ABCG1: variants seen among roughly 807,000 people sequenced by gnomAD.
The protein encoded by ABCG1 is ATP-binding cassette sub-family G member 1.
ABCG1 carries 29 observed loss-of-function variants against 69.2 expected under a neutral mutation model. That is an observed-to-expected ratio of 0.42 (90% CI 0.31 to 0.57). The LOEUF (loss-of-function observed/expected upper bound fraction) is 0.57. Ranked by LOEUF, ABCG1 falls within the 20% of genes least tolerant of loss-of-function variation. The pLI is 0.15. For synonymous variants in ABCG1, 370 were observed against 374.8 expected, an observed-to-expected ratio of 0.99 and a Z score of 0.15; for missense variants, 718 against 898.1, an observed-to-expected ratio of 0.80 and a Z score of 2.56.
upstream of ABCG1, among the ~76,000 whole-genome samples, chr21:42,216,575 G>A (rs2067643056): frequency 1.3e-5 from 2 of 152,168 alleles, no homozygotes; most frequent in Non-Finnish European, 2.9e-5. Flanking sequence ...TGCAGCTGCT[G>A]GGGGGCCATG....
chr21:42,251,023 CCAGCAGA>C (rs1188684371), intron 2 of ABCG1, among the ~76,000 whole-genome samples: 2 of 132,556 alleles, frequency 1.5e-5, no homozygotes, highest in African/African-American at 6.2e-5. Flanking sequence ...AGCTCAGCGC[CCAGCAGA>C]CATGAACTTG....
At chr21:42,248,676 C>T (rs2068171656) in intron 2 of ABCG1, among the ~76,000 whole-genome samples, 1 of 151,870 alleles carries the variant, frequency 6.6e-6, no homozygotes, top group East Asian at 1.9e-4. Flanking sequence ...TTGTTTGAGC[C>T]CAGGAGTTCG....
Position 42,242,770 on chromosome 21 carries a change from G to C in ABCG1, c.286+16856G>C, listed in dbSNP as rs577934839. 2.6e-5 allele frequency among the ~76,000 whole-genome samples: 4 copies of C among 152,298 alleles called. No individual in the cohort carries two copies. In the East Asian group the frequency reaches 5.8e-4, roughly 22 times the overall value. ...GGGGCAGTGAACCATATCGTTGTTTGTTGTGTTTTTTGGTTTTTGTGACTT... is the reference window on the plus strand; with the variant it reads ...GGGGCAGTGAACCATATCGTTGTTTCTTGTGTTTTTTGGTTTTTGTGACTT... On this transcript the variant is annotated intron_variant, in intron 2 of 14. Transcript: ENST00000398449.
intron 2 of ABCG1, among the ~76,000 whole-genome samples, chr21:42,263,152 G>T (rs767039750): frequency 1.3e-5 from 2 of 152,168 alleles, no homozygotes; most frequent in African/African-American, 4.8e-5. Flanking sequence ...CTTCTAGACC[G>T]GAACCACCTT....
rs1453878261 is a variant in ABCG1, at chr21:42,273,238, T to C, written c.405-65T>C. 3.2e-6 allele frequency: 5 copies of C among 1,559,264 alleles called. No homozygotes were observed. Among genetic ancestry groups the C allele is most frequent in the South Asian group, 2.4e-5 (2 of 83,810 alleles). ...GCCCCCGTCTCTGGCTCCCCTCTCC[T>C]GCCCCGGGAGGTGGAGGAGGAGCAG... On this transcript the variant is annotated intron_variant, in intron 3 of 14. Transcript: ENST00000398449. The surrounding 1 kb of genome is among the most constrained non-coding windows in gnomAD (Gnocchi z 5.3).
At chr21:42,202,787 A>T (rs539480787) in intron 2 of ABCG1, among the ~76,000 whole-genome samples, 1 of 152,042 alleles carries the variant, frequency 6.6e-6, no homozygotes, top group African/African-American at 2.4e-5. Context: ...AATTTTTAAA[A>T]TTTTTTATAG....
At position 42,288,910 on chromosome 21, in the gene ABCG1, G is replaced by A. The variant is rs1164341650; in HGVS notation, c.1224+598G>A. On this transcript the variant is annotated intron_variant, in intron 10 of 14. Coordinates refer to ENST00000398449, the MANE Select transcript of ABCG1 (RefSeq NM_016818.3). The surrounding 1 kb of genome is among the most constrained non-coding windows in gnomAD (Gnocchi z 4.8). ...AGCCCTCAGGAAACTTTCAATCATG[G>A]TGGAAGGCAAAGTGGGATGGAGCGC... Among the ~76,000 whole-genome samples the A allele has an allele frequency of 2.0e-5, 3 of 152,144 alleles. No homozygotes were observed. Among genetic ancestry groups the A allele is most frequent in the African/African-American group, 7.2e-5 (3 of 41,408 alleles).
At chr21:42,204,296 G>A (rs1450106541) in intron 2 of ABCG1, among the ~76,000 whole-genome samples, 1 of 152,140 alleles carries the variant, frequency 6.6e-6, no homozygotes, top group Non-Finnish European at 1.5e-5. Context: ...AATAAGAGTG[G>A]TGAAAGCAAA....
intron 5 of ABCG1, among the ~76,000 whole-genome samples, chr21:42,278,922 C>G (rs914120865): frequency 2.0e-5 from 3 of 152,004 alleles, no homozygotes; most frequent in African/African-American, 7.3e-5. Context: ...CCATCAGCTA[C>G]AGGACAAGAG....
At chr21:42,271,216 T>G (rs750550449) in intron 3 of ABCG1, 29 bp downstream of exon 3, 1 of 1,431,558 alleles carries the variant, frequency 7.0e-7, no homozygotes, top group Non-Finnish European at 9.3e-7. Flanking sequence ...GGCGCAAAGT[T>G]CTCTCCCGGG....
chr21:42,283,660 A>AC (rs140072196), intron 6 of ABCG1, among the ~76,000 whole-genome samples: 2,231 of 117,234 alleles, frequency 0.019, 50 homozygotes, highest in Non-Finnish European at 0.029. Context: ...GTCCCCCCCC[A>AC]CCCAAATGAG....
At chr21:42,210,272 T>TGG (rs2067576022) in intron 2 of ABCG1, among the ~76,000 whole-genome samples, 1 of 151,926 alleles carries the variant, frequency 6.6e-6, no homozygotes, top group Admixed American at 6.6e-5. Flanking sequence ...AGGCTCCAGG[T>TGG]GGGGGTTGAG....
chr21:42,269,616 G>A lies in ABCG1; in HGVS notation c.287-1454G>A, dbSNP rs549040861. ...GCGACAACCGCCCTGTCTGTAATGA[G>A]TGGCAGTCCCAAGCTTCCTGACTGG... On this transcript the variant is annotated intron_variant, in intron 2 of 14. Transcript: ENST00000398449. Among the ~76,000 whole-genome samples the A allele has an allele frequency of 3.9e-5, 6 of 152,326 alleles. No homozygotes were observed. The East Asian group carries it at 1.2e-3, about 29-fold the overall frequency.
chr21:42,292,915 C>G (rs2069099111), intron 13 of ABCG1, among the ~76,000 whole-genome samples: 1 of 148,788 alleles, frequency 6.7e-6, no homozygotes, highest in Admixed American at 6.7e-5. Context: ...ACACTACACA[C>G]CACACATACT....
Position 42,231,189 on chromosome 21 carries a change from G to A in ABCG1, c.286+5275G>A, listed in dbSNP as rs182566102. 2.0e-3 allele frequency among the ~76,000 whole-genome samples: 297 copies of A among 151,938 alleles called. 1 individual carries two copies. Among genetic ancestry groups the A allele is most frequent in the Middle Eastern group, 3.4e-3 (1 of 290 alleles). On this transcript the variant is annotated intron_variant, in intron 2 of 14. Coordinates refer to ENST00000398449, the MANE Select transcript of ABCG1 (RefSeq NM_016818.3). ...GGAAGGGGAGGCTGATGTGCATGGC[G>A]TGCTTTCTCTCCAACAGGTGAAGCG...
intron 2 of ABCG1, among the ~76,000 whole-genome samples, chr21:42,244,434 A>C (rs541140483): frequency 6.6e-6 from 1 of 152,340 alleles, no homozygotes; most frequent in South Asian, 2.1e-4. Flanking sequence ...CCAGATTAGA[A>C]ACACAGTTAA....
intron 2 of ABCG1, among the ~76,000 whole-genome samples, chr21:42,262,919 G>A (rs1011615562): frequency 2.0e-5 from 3 of 152,352 alleles, no homozygotes; most frequent in Middle Eastern, 3.4e-3. Context: ...GGTGAGGCCC[G>A]TTCTGTGACT....
chr21:42,273,803 T>C lies in ABCG1; in HGVS notation c.537+368T>C, dbSNP rs2068661277. ...CCTTCCTGTCAGCTATCCTTGAGTC[T>C]TTCCGTGTCTTTGGCCCAAGCACCC... is the stretch of plus-strand genomic sequence containing the variant. On this transcript the variant is annotated intron_variant, in intron 4 of 14. Transcript: ENST00000398449. The surrounding 1 kb of genome is among the most constrained non-coding windows in gnomAD (Gnocchi z 5.3). Among the ~76,000 whole-genome samples, 1 of 152,214 alleles carries C rather than the reference T, an allele frequency of 6.6e-6. No individual in the cohort carries two copies. Among genetic ancestry groups the C allele is most frequent in the African/African-American group, 2.4e-5 (1 of 41,448 alleles).
Position 42,243,483 on chromosome 21 carries a change from TGTGTGTGC to T in ABCG1, c.286+17571_286+17578del, listed in dbSNP as rs1569215788. ...GTGTGTGTGTGTGTGTGTGTGTGTGTGTGTGTGCGCTGGTTTATAATATCACCTGGGCG... is the reference window on the plus strand; with the variant it reads ...GTGTGTGTGTGTGTGTGTGTGTGTGTGCTGGTTTATAATATCACCTGGGCG... On this transcript the variant is annotated intron_variant, in intron 2 of 14. Transcript: ENST00000398449. 3.6e-3 allele frequency among the ~76,000 whole-genome samples: 546 copies of T among 149,758 alleles called. 5 individuals are homozygous for T. Among genetic ancestry groups the T allele is most frequent in the African/African-American group, 0.012 (488 of 40,122 alleles).
Sources: allele counts gnomAD v4.1 joint callset (sites outside exome capture counted in the v4.1 genomes callset), GRCh38; gene constraint gnomAD v4.1.1; non-coding constraint Gnocchi (gnomAD v3.1); transcripts MANE v1.5; gene names NCBI Gene and HGNC (gene_info 2026-07-23, HGNC 2026-07-21).